SLC25A18: variants seen among roughly 807,000 people sequenced by gnomAD.
The protein encoded by SLC25A18 is mitochondrial glutamate carrier 2.
Under a neutral mutation model 31.1 loss-of-function variants are expected in SLC25A18, and 24 were observed. The ratio of observed to expected loss-of-function variants is 0.77; its 90% confidence interval spans 0.56 to 1.08. SLC25A18 has a LOEUF of 1.08. SLC25A18 is among the 50% of genes least tolerant of loss of function. The pLI is 0.00. For synonymous variants in SLC25A18, 173 were observed against 161.9 expected (o/e 1.07, Z -0.52); for missense variants, 371 against 418.5 (o/e 0.89, Z 0.99).
At chr22:17,579,649 A>C in intron 2 of SLC25A18, 96 bp from the exon 3 acceptor site, 1 of 1,053,654 alleles carries the variant, frequency 9.5e-7, no homozygotes, top group Middle Eastern at 3.6e-4. Flanking sequence ...AAGGTTTAGG[A>C]AGGGAAAAAA....
chr22:17,568,093 G>A (rs763289971), intron 1 of SLC25A18, among the ~76,000 whole-genome samples: 1 of 151,990 alleles, frequency 6.6e-6, no homozygotes, highest in African/African-American at 2.4e-5. Flanking sequence ...GGCCAGGTGC[G>A]ATGGCTCACA....
At chr22:17,589,509 G>A in intron 9 of SLC25A18, 81 bp from the exon 10 acceptor site, 1 of 1,297,916 alleles carries the variant, frequency 7.7e-7, no homozygotes, top group South Asian at 1.2e-5. Context: ...GGCTCTACAG[G>A]AGGGCCCAGC....
At position 17,569,946 on chromosome 22, in the gene SLC25A18, TCCTGGGTTCC is replaced by T; in HGVS notation, c.-240_-231del. 3 of 985,446 alleles carry T rather than the reference TCCTGGGTTCC, an allele frequency of 3.0e-6. No homozygotes were observed. The highest frequency in any genetic ancestry group is 3.6e-6 in the Non-Finnish European group (3 of 829,968). 61.0% of individuals were successfully genotyped at this position (985,446 alleles called of 1,614,324 possible). A position where few individuals can be genotyped will look rare whatever the true frequency, so the allele number is the denominator to read the frequency against. On this transcript the variant is annotated 5_prime_UTR_variant, in exon 2 of 11. Coordinates refer to ENST00000327451, the MANE Select transcript of SLC25A18 (RefSeq NM_031481.3). ...CAGCTCAGCAGCGATCTGAACTATA[TCCTGGGTTCC>T]AGAAAAGGCAGAGGTTCTTACCGAA... is the stretch of plus-strand genomic sequence containing the variant.
intron 5 of SLC25A18, 198 bp downstream of exon 5, chr22:17,581,611 C>T (rs1040045311): frequency 8.6e-6 from 5 of 578,372 alleles, no homozygotes; most frequent in South Asian, 2.2e-5. Context: ...ACAGAGCACA[C>T]CCCCCGCCAC....
intron 3 of SLC25A18, 54 bp from the exon 4 acceptor site, chr22:17,580,983 C>A: frequency 6.6e-7 from 1 of 1,503,998 alleles, no homozygotes; most frequent in Admixed American, 2.1e-5. Context: ...CATCCGCTCC[C>A]TAACCTGCCC....
At chr22:17,581,250 C>T (rs2057365522) in intron 4 of SLC25A18, 91 bp downstream of exon 4, 2 of 1,578,716 alleles carry the variant, frequency 1.3e-6, no homozygotes, top group Non-Finnish European at 1.7e-6. Flanking sequence ...CGCGCGTGAG[C>T]CTGGGGGCTG....
At chr22:17,586,654 C>G (rs2057556989) in intron 7 of SLC25A18, among the ~76,000 whole-genome samples, 1 of 152,198 alleles carries the variant, frequency 6.6e-6, no homozygotes. Flanking sequence ...GTGCATGTGC[C>G]TATAACCCCA....
intron 7 of SLC25A18, among the ~76,000 whole-genome samples, chr22:17,585,644 A>ATTTTTT (rs1374922417): frequency 7.5e-6 from 1 of 133,364 alleles, no homozygotes; most frequent in African/African-American, 3.1e-5. Context: ...TATTATTATT[A>ATTTTTT]TTATTATTTT....
At chr22:17,567,936 C>A (rs2056979166) in intron 1 of SLC25A18, among the ~76,000 whole-genome samples, 1 of 151,960 alleles carries the variant, frequency 6.6e-6, no homozygotes, top group Non-Finnish European at 1.5e-5. Context: ...GTATACTGAA[C>A]AAAGGAGACA....
chr22:17,566,918 T>C (rs1298669378), intron 1 of SLC25A18, among the ~76,000 whole-genome samples: 2 of 152,178 alleles, frequency 1.3e-5, no homozygotes, highest in African/African-American at 4.8e-5. Flanking sequence ...CTCAGCACTT[T>C]GATAGGCTGA....
At chr22:17,587,438 T>A in intron 8 of SLC25A18, 137 bp downstream of exon 8, 1 of 1,183,230 alleles carries the variant, frequency 8.5e-7, no homozygotes, top group Non-Finnish European at 1.2e-6. Flanking sequence ...CCATGCTTCC[T>A]GTTTTGTCTG....
At chr22:17,580,843 A>G in intron 3 of SLC25A18, 194 bp from the exon 4 acceptor site, 1 of 1,310,632 alleles carries the variant, frequency 7.6e-7, no homozygotes, top group Non-Finnish European at 9.7e-7. Context: ...GGTTGCAGCA[A>G]GATGCCTCAC....
At chr22:17,583,282 C>T in intron 6 of SLC25A18, 134 bp from the exon 7 acceptor site, 1 of 1,076,914 alleles carries the variant, frequency 9.3e-7, no homozygotes, top group Non-Finnish European at 1.4e-6. Context: ...TAAGGGCTAG[C>T]TGATGACTTG....
rs774224754 is a variant in SLC25A18, at chr22:17,588,069, G to A, written c.720G>A (p.Thr240=). Residue 240 remains threonine, a synonymous_variant, in exon 9 of 11, where the codon ACG becomes ACA. Coordinates refer to ENST00000327451, the MANE Select transcript of SLC25A18 (RefSeq NM_031481.3). Reference sequence around the variant, plus strand: ...GTTCCATAGCTGCGGTCGCAGTGACGCCTCTAGATGGTAAGGAGTTGGGAG... The same window carrying A: ...GTTCCATAGCTGCGGTCGCAGTGACACCTCTAGATGGTAAGGAGTTGGGAG... ...VAGSIAAVAV[T]PLDVLKTRIQ... 1.4e-5 allele frequency: 22 copies of A among 1,614,006 alleles called. No homozygotes were observed. In the South Asian group the frequency reaches 2.1e-4, roughly 15 times the overall value.
chr22:17,577,232 C>T (rs1356136240), intron 2 of SLC25A18, among the ~76,000 whole-genome samples: 5 of 152,116 alleles, frequency 3.3e-5, no homozygotes, highest in Non-Finnish European at 7.4e-5. Context: ...CCATGTTAGC[C>T]AGGATGGTCT....
intron 5 of SLC25A18, 111 bp from the exon 6 acceptor site, chr22:17,582,452 C>A: frequency 2.6e-6 from 2 of 763,718 alleles, no homozygotes; most frequent in Non-Finnish European, 4.1e-6. Context: ...CCCACCTGGC[C>A]CCAAAAATGC....
chr22:17,564,461 T>C (rs1294325036), intron 1 of SLC25A18, among the ~76,000 whole-genome samples: 1 of 152,170 alleles, frequency 6.6e-6, no homozygotes, highest in African/African-American at 2.4e-5. Context: ...CATTTACATT[T>C]TGGTCCTTAG....
chr22:17,588,159 A>C (rs1249716220), intron 9 of SLC25A18, 80 bp downstream of exon 9: 53 of 1,544,354 alleles, frequency 3.4e-5, no homozygotes, highest in Non-Finnish European at 4.5e-5. Context: ...TGACCCTGGA[A>C]GCCATACTGG....
rs763125499 is a variant in SLC25A18, at chr22:17,587,202, C to G, written c.476C>G (p.Ser159Cys). 2 of 1,614,170 alleles carry G rather than the reference C, an allele frequency of 1.2e-6. No homozygotes were observed. ...AGGTCCTACACAACTGGTTCGGCTTCCACCCACAGGCGCCCCTCTGCCACC... is the reference window on the plus strand; with the variant it reads ...AGGTCCTACACAACTGGTTCGGCTTGCACCCACAGGCGCCCCTCTGCCACC... ...TSRSYTTGSA[S>C]THRRPSATLI... is the part of the protein sequence containing the mutation. The change falls in exon 8 of 11, where the codon TCC becomes TGC. Residue 159 changes from serine to cysteine, a missense_variant. Transcript: ENST00000327451.
Sources: gnomAD v4.1 joint callset for allele counts (sites outside exome capture counted in the v4.1 genomes callset) on GRCh38, gnomAD v4.1.1 for gene constraint, MANE v1.5 for transcripts, NCBI Gene and HGNC (gene_info 2026-07-23, HGNC 2026-07-21) for gene names.